MBTD1: variants seen among roughly 807,000 people sequenced by gnomAD.
MBTD1 encodes MBT domain-containing protein 1.
A neutral mutation model predicts 87.8 loss-of-function variants in MBTD1; 24 were observed. That is an observed-to-expected ratio of 0.27 (90% CI 0.20 to 0.38). MBTD1 has a LOEUF of 0.38. Among genes scored for constraint, MBTD1 ranks in the 10% least tolerant of loss-of-function variants. The probability of loss-of-function intolerance (pLI) is 1.00; values close to 1 mark genes in which losing one functional copy is unlikely to be tolerated. For missense variants in MBTD1, 436 were observed against 760.2 expected (o/e 0.57, Z 5.02); for synonymous variants, 237 against 248.6 (o/e 0.95, Z 0.44).
intron 2 of MBTD1, among the ~76,000 whole-genome samples, chr17:51,247,510 G>A (rs190314919): frequency 6.1e-5 from 9 of 147,424 alleles, no homozygotes; most frequent in African/African-American, 1.5e-4. Flanking sequence ...GCAGCAGCAC[G>A]ATCTTGGCTC....
At chr17:51,203,975 A>C (rs758903732) in intron 7 of MBTD1, 50 bp from the exon 8 acceptor site, 24 of 1,428,716 alleles carry the variant, frequency 1.7e-5, no homozygotes, top group Non-Finnish European at 2.3e-5. Context: ...AAATTAAATA[A>C]AACAATACAG....
At chr17:51,223,511 T>C (rs1344670538) in intron 3 of MBTD1, among the ~76,000 whole-genome samples, 2 of 151,316 alleles carry the variant, frequency 1.3e-5, no homozygotes, top group Non-Finnish European at 2.9e-5. Context: ...CATTCCAGCC[T>C]GGGTAATACA....
intron 2 of MBTD1, among the ~76,000 whole-genome samples, chr17:51,254,828 T>A (rs1191427809): frequency 2.0e-5 from 3 of 152,306 alleles, no homozygotes; most frequent in Middle Eastern, 3.4e-3. Flanking sequence ...AAAAATAAGA[T>A]GACCATATCA....
intron 2 of MBTD1, among the ~76,000 whole-genome samples, chr17:51,235,859 G>C (rs1309954243): frequency 6.6e-6 from 1 of 152,114 alleles, no homozygotes; most frequent in Non-Finnish European, 1.5e-5. Flanking sequence ...GCAAATTTCA[G>C]AAGAACAAAG....
In MBTD1 at chr17:51,225,085, G is replaced by C; in HGVS notation, c.77C>G (p.Ala26Gly). The C allele has an allele frequency of 1.3e-6, 2 of 1,551,730 alleles. No homozygotes were observed. The highest frequency in any genetic ancestry group is 1.7e-6 in the Non-Finnish European group (2 of 1,146,922). The part of the protein sequence containing the change: ...SSSEESEEEV[A>G]PLPSNLPIIK... Reference sequence around the variant, plus strand: ...AATCGGGAGATTAGAAGGTAAAGGAGCGACTTCTTCCTCACTCTCTTCGGA... The same window carrying C: ...AATCGGGAGATTAGAAGGTAAAGGACCGACTTCTTCCTCACTCTCTTCGGA... Residue 26 changes from alanine to glycine, a missense_variant, in exon 3 of 17, where the codon GCT becomes GGT. Ala to Gly is a moderately conservative substitution (Grantham distance 60). Around this residue, in one of 5 missense-constraint regions of MBTD1, gnomAD observed 38 missense variants for 33.8 expected, o/e 1.12. Transcript: ENST00000586178.
At chr17:51,251,712 A>G (rs949471457) in intron 2 of MBTD1, 3 of 152,216 alleles carry the variant, frequency 2.0e-5, no homozygotes, top group Admixed American at 2.0e-4. Context: ...AGAGAAATAA[A>G]CTAAATTTGT....
chr17:51,201,932 G>C (rs2051516122), intron 11 of MBTD1, 90 bp downstream of exon 11: 1 of 890,150 alleles, frequency 1.1e-6, no homozygotes, highest in African/African-American at 1.7e-5. Context: ...GTGAACATAT[G>C]TAATTGTGAT....
At chr17:51,235,734 C>T (rs1017272332) in intron 2 of MBTD1, among the ~76,000 whole-genome samples, 6 of 152,138 alleles carry the variant, frequency 3.9e-5, no homozygotes, top group Non-Finnish European at 8.8e-5. Flanking sequence ...CAGTCCTTCC[C>T]AAATTGATTT....
intron 16 of MBTD1, among the ~76,000 whole-genome samples, chr17:51,191,260 C>CTT (rs10545166): frequency 0.051 from 6,995 of 136,450 alleles, 541 homozygotes; most frequent in African/African-American, 0.17. Context: ...GAAAGAATTT[C>CTT]TTTTTTTTTT....
chr17:51,229,940 G>A (rs976356505), intron 2 of MBTD1, among the ~76,000 whole-genome samples: 26 of 152,134 alleles, frequency 1.7e-4, no homozygotes, highest in Non-Finnish European at 5.9e-5. Flanking sequence ...TTACAGGCGT[G>A]AGCCACTGCA....
intron 2 of MBTD1, among the ~76,000 whole-genome samples, chr17:51,247,445 T>TG (rs1189776935): frequency 2.8e-5 from 1 of 35,752 alleles, no homozygotes; most frequent in African/African-American, 8.5e-5. Flanking sequence ...GTATTACTTT[T>TG]TTTTTTTTTT....
chr17:51,253,728 T>C (rs183348575), intron 2 of MBTD1, among the ~76,000 whole-genome samples: 444 of 152,262 alleles, frequency 2.9e-3, no homozygotes, highest in Non-Finnish European at 4.5e-3. Context: ...GTTTTTATAG[T>C]GACAAAATTA....
chr17:51,187,590 C>T (rs1042821892), intron 16 of MBTD1, among the ~76,000 whole-genome samples: 2 of 152,008 alleles, frequency 1.3e-5, no homozygotes, highest in African/African-American at 4.8e-5. Flanking sequence ...TGGCTCACAC[C>T]TATGATCCCA....
intron 13 of MBTD1, among the ~76,000 whole-genome samples, chr17:51,194,746 G>A (rs2050999911): frequency 6.7e-6 from 1 of 150,228 alleles, no homozygotes; most frequent in Non-Finnish European, 1.5e-5. Context: ...AAAAAAGTCA[G>A]ACATGGTTGT....
At chr17:51,232,138 C>G (rs1036970611) in intron 2 of MBTD1, among the ~76,000 whole-genome samples, 1 of 152,134 alleles carries the variant, frequency 6.6e-6, no homozygotes, top group African/African-American at 2.4e-5. Context: ...TAATCACAGG[C>G]CTGACCTCAT....
intron 16 of MBTD1, among the ~76,000 whole-genome samples, chr17:51,188,808 G>A (rs1380116794): frequency 3.6e-5 from 5 of 139,790 alleles, no homozygotes; most frequent in African/African-American, 1.4e-4. Context: ...TGCCCAGGCT[G>A]GAGTGCAATG....
intron 6 of MBTD1, among the ~76,000 whole-genome samples, chr17:51,216,001 A>G (rs2052549839): frequency 7.2e-6 from 1 of 138,006 alleles, no homozygotes; most frequent in Non-Finnish European, 1.5e-5. Flanking sequence ...GCGTAATCTC[A>G]GCTCACTGCA....
chr17:51,231,293 T>G (rs1183798987), intron 2 of MBTD1, among the ~76,000 whole-genome samples: 1 of 152,118 alleles, frequency 6.6e-6, no homozygotes, highest in Non-Finnish European at 1.5e-5. Context: ...TATAGCCAAC[T>G]TGGTTAGCAG....
At chr17:51,241,646 C>T (rs796349407) in intron 2 of MBTD1, among the ~76,000 whole-genome samples, 3 of 152,182 alleles carry the variant, frequency 2.0e-5, no homozygotes, top group Admixed American at 2.0e-4. Flanking sequence ...TCACTGCAAC[C>T]TCCACCTCCC....
Sources: allele counts gnomAD v4.1 joint callset (sites outside exome capture counted in the v4.1 genomes callset), GRCh38; gene constraint gnomAD v4.1.1; regional missense constraint gnomAD v4.1.1; transcripts MANE v1.5; gene names NCBI Gene and HGNC (gene_info 2026-07-23, HGNC 2026-07-21).